CDKL1: variants seen among roughly 807,000 people sequenced by gnomAD.
The protein encoded by CDKL1 is cyclin-dependent kinase-like 1.
In CDKL1, 41 loss-of-function variants were observed where a neutral mutation model predicts 42.0. The ratio of observed to expected loss-of-function variants is 0.98; its 90% confidence interval spans 0.76 to 1.27. The LOEUF (loss-of-function observed/expected upper bound fraction) is 1.27, where lower values mean the gene tolerates loss of function less well. Ranked by LOEUF, CDKL1 falls within the 50% of genes most tolerant of loss-of-function variation. The pLI, the probability that CDKL1 is intolerant of heterozygous loss-of-function variation, is 0.00. For synonymous variants in CDKL1, 153 were observed against 158.6 expected (o/e 0.96, Z 0.26); for missense variants, 394 against 428.4 (o/e 0.92, Z 0.71).
rs2035393486 is a variant in CDKL1, at chr14:50,396,089, G to A, written c.-221C>T. 9.0e-7 allele frequency: 1 copy of A among 1,114,072 alleles called. No individual in the cohort carries two copies. The highest frequency in any genetic ancestry group is 1.1e-6 in the Non-Finnish European group (1 of 873,064). The allele number at this position is 1,114,072 out of a possible 1,614,324, so 69.0% of individuals were successfully genotyped here. A position where few individuals can be genotyped will look rare whatever the true frequency, so the allele number is the denominator to read the frequency against. Reference sequence around the variant, plus strand: ...TAGTCCCAGCAACTCAGGAGACTGAGGCAGGAGAATCGCGTGAACCTGGGA... The same window carrying A: ...TAGTCCCAGCAACTCAGGAGACTGAAGCAGGAGAATCGCGTGAACCTGGGA... On this transcript the variant is annotated 5_prime_UTR_variant, in exon 2 of 10. Coordinates refer to ENST00000395834, the MANE Select transcript of CDKL1 (RefSeq NM_004196.7).
chr14:50,367,077 T>G (rs754993030), intron 2 of CDKL1, among the ~76,000 whole-genome samples: 5 of 151,830 alleles, frequency 3.3e-5, no homozygotes, highest in Non-Finnish European at 7.4e-5. Flanking sequence ...TAAAGAACCC[T>G]CCCACCCAGA....
upstream of CDKL1, chr14:50,397,159 C>T (rs1280408157): frequency 7.3e-7 from 1 of 1,366,404 alleles, no homozygotes; most frequent in Admixed American, 1.9e-5. Context: ...GAGCAAGACG[C>T]CTGCGCTAGG....
At chr14:50,385,251 A>G (rs2139529468) in intron 2 of CDKL1, among the ~76,000 whole-genome samples, 1 of 152,308 alleles carries the variant, frequency 6.6e-6, no homozygotes, top group South Asian at 2.1e-4. Context: ...ATTAAAACTG[A>G]TAGTACCAAT....
chr14:50,374,395 A>G (rs2034671965), intron 2 of CDKL1, among the ~76,000 whole-genome samples: 1 of 152,224 alleles, frequency 6.6e-6, no homozygotes, highest in Non-Finnish European at 1.5e-5. Flanking sequence ...TTACGACACA[A>G]TGTGTGAACC....
chr14:50,342,907 C>G (rs764676738), intron 4 of CDKL1: 1 of 1,337,490 alleles, frequency 7.5e-7, no homozygotes, highest in Non-Finnish European at 9.9e-7. Flanking sequence ...AGCCCTCACC[C>G]TCTGGGGAGA....
intron 5 of CDKL1, among the ~76,000 whole-genome samples, chr14:50,341,590 G>A (rs1054215608): frequency 6.6e-6 from 1 of 151,814 alleles, no homozygotes; most frequent in Non-Finnish European, 1.5e-5. Context: ...ACCAGCCTGG[G>A]CAATGTGGTG....
intron 9 of CDKL1, chr14:50,332,023 C>A: frequency 6.5e-7 from 1 of 1,537,208 alleles, no homozygotes. Context: ...CTCATGCAGG[C>A]TGGAAACCCT....
chr14:50,355,757 T>G (rs1041393950), intron 3 of CDKL1, among the ~76,000 whole-genome samples: 2 of 151,800 alleles, frequency 1.3e-5, no homozygotes, highest in Non-Finnish European at 2.9e-5. Context: ...CATAAAGGAG[T>G]CATATGTGAG....
intron 9 of CDKL1, chr14:50,331,859 A>G: frequency 1.5e-6 from 1 of 659,236 alleles, no homozygotes; most frequent in Non-Finnish European, 2.5e-6. Flanking sequence ...GGAGGAAAAC[A>G]GCTCCTTTTT....
chr14:50,396,941 TG>T, upstream of CDKL1: 1 of 429,416 alleles, frequency 2.3e-6, no homozygotes, highest in Non-Finnish European at 3.6e-6. Context: ...CGGGTCTGCC[TG>T]GGCGGGGCCG....
chr14:50,327,812 T>C lies in CDKL1; in HGVS notation c.*2262A>G, dbSNP rs915554707. On this transcript the variant is annotated 3_prime_UTR_variant, in exon 10 of 10. Coordinates refer to ENST00000395834, the MANE Select transcript of CDKL1 (RefSeq NM_004196.7). ...GAAAATAATTTTCTATGATACAGCT[T>C]TCAGGTAGAAAAATGAATTTTCGTT... The C allele has an allele frequency of 1.3e-5, 2 of 152,174 alleles. No homozygotes were observed. The highest frequency in any genetic ancestry group is 2.9e-5 in the Non-Finnish European group (2 of 68,038). 9.4% of individuals were successfully genotyped at this position (152,174 alleles called of 1,614,324 possible).
At chr14:50,360,786 T>TTG (rs58307197) in intron 2 of CDKL1, among the ~76,000 whole-genome samples, 60,938 of 144,386 alleles carry the variant, frequency 0.42, 12,712 homozygotes, top group East Asian at 0.48. Context: ...GTGTGTGTGT[T>TTG]TGTGTGTGTG....
intron 2 of CDKL1, 48 bp downstream of exon 2, chr14:50,395,653 T>A (rs780068263): frequency 1.1e-5 from 14 of 1,324,430 alleles, no homozygotes; most frequent in East Asian, 2.3e-5. Flanking sequence ...GGAGACAGAG[T>A]GAAACCCTGT....
chr14:50,377,714 T>C (rs1392639563), intron 2 of CDKL1: 2 of 1,293,898 alleles, frequency 1.5e-6, no homozygotes, highest in South Asian at 1.3e-5. Context: ...GAATGGGGTG[T>C]AAGCTTGCTT....
chr14:50,331,285 A>G (rs1164471672), intron 9 of CDKL1: 1 of 152,246 alleles, frequency 6.6e-6, no homozygotes, highest in Non-Finnish European at 1.5e-5. Context: ...TCAAATAGAA[A>G]TATTTCCATC....
rs572154800 is a variant in CDKL1, at chr14:50,384,029, A to T, written c.168+11672T>A. On this transcript the variant is annotated intron_variant, in intron 2 of 9. Transcript: ENST00000395834. ...ATTTGCAGTTAGTATATTATCTTGT[A>T]AAAATAAAATTCAACAGGTCCCCAC... 1.4e-4 allele frequency among the ~76,000 whole-genome samples: 22 copies of T among 152,344 alleles called. No individual in the cohort carries two copies. The South Asian group carries it at 4.6e-3, about 32-fold the overall frequency.
chr14:50,364,342 A>T (rs2034378092), intron 2 of CDKL1, among the ~76,000 whole-genome samples: 1 of 152,148 alleles, frequency 6.6e-6, no homozygotes, highest in Admixed American at 6.5e-5. Context: ...GGCGGCACGC[A>T]CCTGTAATCC....
intron 5 of CDKL1, among the ~76,000 whole-genome samples, chr14:50,341,455 CTG>C (rs1491183696): frequency 8.8e-4 from 4 of 4,546 alleles, no homozygotes; most frequent in African/African-American, 3.2e-3. Flanking sequence ...TGGGGAGGGT[CTG>C]GGGGGGGGGG....
chr14:50,367,547 G>A (rs1406157283), intron 2 of CDKL1, among the ~76,000 whole-genome samples: 5 of 152,188 alleles, frequency 3.3e-5, no homozygotes, highest in East Asian at 1.9e-4. Flanking sequence ...CTTTCGGGAC[G>A]TACAAACGAA....
Sources: allele counts gnomAD v4.1 joint callset (sites outside exome capture counted in the v4.1 genomes callset), GRCh38; gene constraint gnomAD v4.1.1; transcripts MANE v1.5; gene names NCBI Gene and HGNC (gene_info 2026-07-23, HGNC 2026-07-21).